Variants in EHBP1 observed in about 807,000 individuals in gnomAD.
The protein encoded by EHBP1 is EH domain binding protein 1.
EHBP1 carries 55 observed loss-of-function variants against 144.0 expected under a neutral mutation model. The ratio of observed to expected loss-of-function variants is 0.38; its 90% CI spans 0.31 to 0.48. The LOEUF (loss-of-function observed/expected upper bound fraction) is 0.48. EHBP1 is among the 20% of genes least tolerant of loss of function. EHBP1 has a pLI of 0.98. For synonymous variants in EHBP1, 469 were observed against 472.7 expected (o/e 0.99, Z 0.10); for missense variants, 1,200 against 1,364.2 (o/e 0.88, Z 1.90).
intron 5 of EHBP1, among the ~76,000 whole-genome samples, chr2:62,822,893 T>C (rs772687583): frequency 6.6e-6 from 1 of 152,142 alleles, no homozygotes; most frequent in Non-Finnish European, 1.5e-5. Flanking sequence ...AATGGAAATA[T>C]ATAGGCTAAG....
intron 1 of EHBP1, among the ~76,000 whole-genome samples, chr2:62,684,497 G>A (rs756029478): frequency 2.0e-5 from 3 of 152,166 alleles, no homozygotes; most frequent in Non-Finnish European, 4.4e-5. Flanking sequence ...GTAAAATTAG[G>A]TTTCTTTAAA....
intron 19 of EHBP1, among the ~76,000 whole-genome samples, chr2:63,032,925 C>G (rs2061322574): frequency 6.6e-6 from 1 of 152,184 alleles, no homozygotes; most frequent in Non-Finnish European, 1.5e-5. Context: ...ATAAATATAT[C>G]AGGCTGAGCA....
At chr2:62,712,997 A>C (rs1325141657) in intron 2 of EHBP1, among the ~76,000 whole-genome samples, 1 of 152,178 alleles carries the variant, frequency 6.6e-6, no homozygotes, top group African/African-American at 2.4e-5. Context: ...TTTAAGTAGA[A>C]TTTCTTGCTG....
intron 5 of EHBP1, among the ~76,000 whole-genome samples, chr2:62,819,976 C>T (rs1285523057): frequency 4.0e-5 from 6 of 150,932 alleles, no homozygotes; most frequent in East Asian, 2.0e-4. Flanking sequence ...TTTGGGAGGC[C>T]GAAGCGGGCA....
chr2:62,792,906 T>G (rs1207895174), intron 5 of EHBP1, among the ~76,000 whole-genome samples: 1 of 152,042 alleles, frequency 6.6e-6, no homozygotes, highest in African/African-American at 2.4e-5. Context: ...TTGATAGGTT[T>G]TTTTTTTGTT....
At chr2:62,676,075 A>T (rs561688530) in intron 1 of EHBP1, among the ~76,000 whole-genome samples, 1 of 152,134 alleles carries the variant, frequency 6.6e-6, no homozygotes, top group East Asian at 1.9e-4. Flanking sequence ...TTAAGAATTA[A>T]AAGTTTCTTA....
chr2:62,836,681 A>G (rs2152691155), intron 7 of EHBP1, among the ~76,000 whole-genome samples: 1 of 120,672 alleles, frequency 8.3e-6, no homozygotes, highest in South Asian at 3.5e-4. Context: ...CTCGAGAACT[A>G]CGTGAAGAAT....
At chr2:62,992,614 G>T (rs1424749487) in intron 16 of EHBP1, among the ~76,000 whole-genome samples, 1 of 152,066 alleles carries the variant, frequency 6.6e-6, no homozygotes, top group Non-Finnish European at 1.5e-5. Context: ...TTAATAAAAT[G>T]CAGTTTACAC....
At chr2:62,919,513 A>G (rs1016728214) in intron 10 of EHBP1, among the ~76,000 whole-genome samples, 2 of 152,242 alleles carry the variant, frequency 1.3e-5, no homozygotes, top group Non-Finnish European at 2.9e-5. Context: ...GCACAAACAA[A>G]TAACAGGTGG....
intron 1 of EHBP1, among the ~76,000 whole-genome samples, chr2:62,677,630 C>G (rs754133136): frequency 6.6e-6 from 1 of 152,022 alleles, no homozygotes; most frequent in Admixed American, 6.6e-5. Flanking sequence ...CCCACTTCCC[C>G]CCACCTACCC....
intron 10 of EHBP1, among the ~76,000 whole-genome samples, chr2:62,892,527 A>G (rs1457160869): frequency 1.3e-5 from 2 of 152,116 alleles, no homozygotes; most frequent in Admixed American, 1.3e-4. Flanking sequence ...ATATATATGT[A>G]ATGTGCACTT....
chr2:62,774,621 G>GGT (rs2041924523), intron 5 of EHBP1, among the ~76,000 whole-genome samples: 1 of 151,996 alleles, frequency 6.6e-6, no homozygotes, highest in Non-Finnish European at 1.5e-5. Flanking sequence ...TGGAAATGGT[G>GGT]GTGTATAAAA....
intron 3 of EHBP1, among the ~76,000 whole-genome samples, chr2:62,752,590 C>A (rs956988604): frequency 2.6e-5 from 4 of 152,052 alleles, no homozygotes; most frequent in African/African-American, 9.7e-5. Context: ...GTTGAAGTCT[C>A]CCATTATTAT....
chr2:62,836,027 C>T (rs1248029180), intron 7 of EHBP1, among the ~76,000 whole-genome samples: 1 of 152,004 alleles, frequency 6.6e-6, no homozygotes, highest in Non-Finnish European at 1.5e-5. Flanking sequence ...GTAGGCTCCA[C>T]CTCTGGGGGC....
chr2:63,020,262 T>G (rs1346373845), intron 19 of EHBP1, among the ~76,000 whole-genome samples: 2 of 145,128 alleles, frequency 1.4e-5, no homozygotes, highest in African/African-American at 5.1e-5. Context: ...TGGTGGAGGT[T>G]GCAGTGAGCC....
intron 5 of EHBP1, among the ~76,000 whole-genome samples, chr2:62,790,520 T>C (rs2043101040): frequency 6.6e-6 from 1 of 152,184 alleles, no homozygotes; most frequent in South Asian, 2.1e-4. Context: ...CAGAAAATAG[T>C]GTTACTTTAT....
chr2:62,873,290 C>A (rs1180511955), intron 9 of EHBP1, among the ~76,000 whole-genome samples: 3 of 151,938 alleles, frequency 2.0e-5, no homozygotes, highest in Non-Finnish European at 4.4e-5. Flanking sequence ...TGATTAGTAA[C>A]TCAAATCTTT....
At chr2:63,018,349 C>T (rs1024317856) in intron 19 of EHBP1, among the ~76,000 whole-genome samples, 2 of 152,060 alleles carry the variant, frequency 1.3e-5, no homozygotes, top group African/African-American at 4.8e-5. Flanking sequence ...ACAATTTGTT[C>T]AGCTAATTCA....
At chr2:62,868,150 G>A (rs149050548) in intron 9 of EHBP1, among the ~76,000 whole-genome samples, 1,762 of 152,130 alleles carry the variant, frequency 0.012, 13 homozygotes, top group Middle Eastern at 0.02. Flanking sequence ...CGAGGCGGGC[G>A]GATCACTTTA....
Sources: allele counts gnomAD v4.1 joint callset (sites outside exome capture counted in the v4.1 genomes callset), GRCh38; gene constraint gnomAD v4.1.1; transcripts MANE v1.5; gene names NCBI Gene and HGNC (gene_info 2026-07-23, HGNC 2026-07-21).